Variants in FRMD1 observed in about 807,000 individuals in gnomAD.
FRMD1 encodes FERM domain containing 1, also known as FERM domain-containing protein 1.
Under a neutral mutation model 54.9 loss-of-function variants are expected in FRMD1, and 51 were observed. That is an observed-to-expected ratio of 0.93 (90% CI 0.74 to 1.17). FRMD1 has a LOEUF of 1.17. Ranked by LOEUF, FRMD1 falls within the 50% of genes most tolerant of loss-of-function variation. The probability of loss-of-function intolerance (pLI) is 0.00; values close to 1 mark genes in which losing one functional copy is unlikely to be tolerated. For missense variants in FRMD1, 729 were observed against 743.0 expected, an observed-to-expected ratio of 0.98 and a Z score of 0.22; for synonymous variants, 324 against 306.4, an observed-to-expected ratio of 1.06 and a Z score of -0.60.
chr6:168,062,893 C>T lies in FRMD1; in HGVS notation c.870+1G>A. On this transcript the variant is annotated splice_donor_variant, in intron 7 of 10. Transcript: ENST00000283309. LOFTEE classifies it high-confidence loss of function. ...TGTGAGGCTGGAGCCCCTTCGGTCA[C>T]CTGGTAGATGTGCACTCCCCTGAGG... 6.2e-7 allele frequency: 1 copy of T among 1,613,764 alleles called. No homozygotes were observed. Among genetic ancestry groups the T allele is most frequent in the Non-Finnish European group, 8.5e-7 (1 of 1,179,746 alleles).
rs1800574806 is a variant in FRMD1, at chr6:168,075,935, TGCCCGGTGTCCACATTTCC to T, written c.214-619_214-601del. The T allele has an allele frequency of 2.0e-5, 3 of 149,566 alleles. No homozygotes were observed. In the East Asian group the frequency reaches 5.9e-4, roughly 29 times the overall value. The allele number at this position is 149,566 out of a possible 1,614,324, so 9.3% of individuals were successfully genotyped here. A position where few individuals can be genotyped will look rare whatever the true frequency, so the allele number is the denominator to read the frequency against. ...CGGTGCCCGGTGTCCACATTTCCGG[TGCCCGGTGTCCACATTTCC>T]GGTGTCCCGTGTCCGCATTTCCGGC... On this transcript the variant is annotated intron_variant, in intron 1 of 10. Transcript: ENST00000283309.
chr6:168,070,830 G>A (rs1800271408), intron 2 of FRMD1, among the ~76,000 whole-genome samples: 1 of 152,226 alleles, frequency 6.6e-6, no homozygotes, highest in Non-Finnish European at 1.5e-5. Context: ...ATGACTGTCT[G>A]CTGGAGGACC....
chr6:168,090,078 C>T (rs750264601), intron 1 of FRMD1, among the ~76,000 whole-genome samples: 2 of 152,104 alleles, frequency 1.3e-5, no homozygotes, highest in Middle Eastern at 3.2e-3. Context: ...ATCCCGGCGG[C>T]GTTACCCCCA....
At chr6:168,077,395 AC>A (rs1800647019) in intron 1 of FRMD1, among the ~76,000 whole-genome samples, 1 of 127,250 alleles carries the variant, frequency 7.9e-6, no homozygotes, top group African/African-American at 2.7e-5. Context: ...TTCCTGTCTA[AC>A]TGCAGACATA....
intron 1 of FRMD1, among the ~76,000 whole-genome samples, chr6:168,088,456 A>G (rs559141683): frequency 5.0e-4 from 76 of 152,166 alleles, no homozygotes; most frequent in Non-Finnish European, 9.0e-4. Context: ...CAGAGGGCAG[A>G]TGCTTGGAAT....
chr6:168,078,345 A>G (rs1460153636), intron 1 of FRMD1, among the ~76,000 whole-genome samples: 4 of 152,146 alleles, frequency 2.6e-5, no homozygotes, highest in African/African-American at 9.7e-5. Context: ...CCTCCCGGGA[A>G]GGATGTGCTG....
chr6:168,060,219 G>A (rs1799647378), intron 9 of FRMD1, among the ~76,000 whole-genome samples: 1 of 124,432 alleles, frequency 8.0e-6, no homozygotes, highest in African/African-American at 3.0e-5. Context: ...AGGAGTGGGG[G>A]GTTTCCTAGG....
At chr6:168,073,374 C>T (rs1211779087) in intron 2 of FRMD1, among the ~76,000 whole-genome samples, 1 of 152,216 alleles carries the variant, frequency 6.6e-6, no homozygotes, top group Non-Finnish European at 1.5e-5. Flanking sequence ...ATGGTGTCCA[C>T]TCAGGGTCCC....
Position 168,057,264 on chromosome 6 carries a change from C to A in FRMD1, c.1483G>T (p.Ala495Ser). The change falls in exon 11 of 11, where the codon GCC becomes TCC. Residue 495 changes from alanine to serine, a missense_variant. Transcript: ENST00000283309. ...GLDDMQLHQLALHPAPTSLSH... is the reference protein window; with the variant it reads ...GLDDMQLHQLSLHPAPTSLSH... ...AGTGAGGTGGGCGCTGGGTGCAGGG[C>A]CAGCTGGTGCAGCTGCATGTCGTCC... The A allele has an allele frequency of 6.2e-7, 1 of 1,611,422 alleles. No individual in the cohort carries two copies. The highest frequency in any genetic ancestry group is 8.5e-7 in the Non-Finnish European group (1 of 1,179,248).
At chr6:168,061,099 G>T (rs1178457794) in intron 8 of FRMD1, 42 bp from the exon 9 acceptor site, 1 of 1,567,780 alleles carries the variant, frequency 6.4e-7, no homozygotes, top group Non-Finnish European at 8.7e-7. Context: ...GCTGGAGAGG[G>T]ACCAGCCCTG....
Position 168,062,906 on chromosome 6 carries a change from C to A in FRMD1, c.858G>T (p.Val286=). The A allele has an allele frequency of 1.2e-6, 2 of 1,613,946 alleles. No individual in the cohort carries two copies. Among genetic ancestry groups the A allele is most frequent in the Non-Finnish European group, 1.7e-6 (2 of 1,179,878 alleles). The part of the protein sequence containing the change: ...TVILGLALRG[V]HIYQGKKLEI... ...CCCCTTCGGTCACCTGGTAGATGTG[C>A]ACTCCCCTGAGGGCCAGTCCCAGGA... Residue 286 remains valine, a synonymous_variant, in exon 7 of 11, where the codon GTG becomes GTT. Coordinates refer to ENST00000283309, the MANE Select transcript of FRMD1 (RefSeq NM_024919.6).
upstream of FRMD1, among the ~76,000 whole-genome samples, chr6:168,083,756 G>A (rs897028424): frequency 6.6e-6 from 1 of 152,216 alleles, no homozygotes; most frequent in South Asian, 2.1e-4. Flanking sequence ...ATCTATCTGG[G>A]ATCTGGAAAG....
At chr6:168,074,353 T>A (rs978571579) in intron 2 of FRMD1, among the ~76,000 whole-genome samples, 1 of 152,230 alleles carries the variant, frequency 6.6e-6, no homozygotes, top group East Asian at 1.9e-4. Context: ...AACAGCACAA[T>A]CGGCATTGTG....
intron 1 of FRMD1, among the ~76,000 whole-genome samples, chr6:168,091,147 ACACCTT>A (rs1801009220): frequency 6.6e-6 from 1 of 152,218 alleles, no homozygotes; most frequent in Non-Finnish European, 1.5e-5. Flanking sequence ...AAGATAGCCC[ACACCTT>A]CTTCCTGGTT....
chr6:168,080,922 C>T (rs1191647342), upstream of FRMD1, among the ~76,000 whole-genome samples: 3 of 151,376 alleles, frequency 2.0e-5, no homozygotes, highest in East Asian at 3.9e-4. Flanking sequence ...TACAGGTGAC[C>T]GTGGGCCAAT....
At chr6:168,088,517 C>T (rs561693453) in intron 1 of FRMD1, among the ~76,000 whole-genome samples, 2 of 152,320 alleles carry the variant, frequency 1.3e-5, no homozygotes, top group East Asian at 3.9e-4. Flanking sequence ...TAAACACTCG[C>T]CTTGTGGGAC....
At chr6:168,087,671 G>A (rs1249605688) in intron 1 of FRMD1, among the ~76,000 whole-genome samples, 1 of 152,226 alleles carries the variant, frequency 6.6e-6, no homozygotes, top group African/African-American at 2.4e-5. Flanking sequence ...GGCGTGTGGA[G>A]CATGTGAGAT....
chr6:168,064,769 C>A, intron 5 of FRMD1, 102 bp downstream of exon 5: 2 of 1,469,196 alleles, frequency 1.4e-6, no homozygotes, highest in Non-Finnish European at 1.8e-6. Context: ...GCTCCAGCAG[C>A]CCCTGCCAGG....
upstream of FRMD1, among the ~76,000 whole-genome samples, chr6:168,079,838 C>T (rs1171653872): frequency 2.0e-5 from 3 of 152,204 alleles, no homozygotes; most frequent in African/African-American, 7.2e-5. Context: ...GGGGACATCT[C>T]CCGCAGGGCC....
Sources: allele counts gnomAD v4.1 joint callset (sites outside exome capture counted in the v4.1 genomes callset), GRCh38; gene constraint gnomAD v4.1.1; transcripts MANE v1.5; gene names NCBI Gene and HGNC (gene_info 2026-07-23, HGNC 2026-07-21).